SPOCK1: variants seen among roughly 807,000 people sequenced by gnomAD.
SPOCK1 encodes the protein SPARC (osteonectin), cwcv and kazal like domains proteoglycan 1.
A neutral mutation model predicts 55.3 loss-of-function variants in SPOCK1; 23 were observed. The ratio of observed to expected loss-of-function variants is 0.42; its 90% CI spans 0.30 to 0.59. The LOEUF (loss-of-function observed/expected upper bound fraction) is 0.59. Ranked by LOEUF, SPOCK1 falls within the 20% of genes least tolerant of loss-of-function variation. The probability of loss-of-function intolerance (pLI) is 0.22; values close to 1 mark genes in which losing one functional copy is unlikely to be tolerated. For missense variants in SPOCK1, 499 were observed against 552.5 expected (o/e 0.90, Z 0.97); for synonymous variants, 226 against 221.0 (o/e 1.02, Z -0.20).
chr5:137,094,499 A>G (rs1753106613), intron 5 of SPOCK1, among the ~76,000 whole-genome samples: 1 of 152,220 alleles, frequency 6.6e-6, no homozygotes, highest in African/African-American at 2.4e-5. Context: ...TGTTTATACT[A>G]TAGTATAGTC....
intron 2 of SPOCK1, among the ~76,000 whole-genome samples, chr5:137,288,476 C>G (rs1189117810): frequency 6.6e-6 from 1 of 152,230 alleles, no homozygotes; most frequent in African/African-American, 2.4e-5. Flanking sequence ...CCAATTCTCA[C>G]TCTCTACTTT....
chr5:137,303,966 T>C (rs1330722683), intron 2 of SPOCK1, among the ~76,000 whole-genome samples: 1 of 152,188 alleles, frequency 6.6e-6, no homozygotes, highest in Non-Finnish European at 1.5e-5. Flanking sequence ...TCTCTCAGTG[T>C]TGCAGAGAAG....
rs181248472 is a variant in SPOCK1 at position 137,209,391 on chromosome 5, C to T, written c.232+57619G>A. ...ATGCTATAAATGAATTGCTTGTAAG[C>T]GCAAGTAGATGTGGAGGTAGTTTGA... On this transcript the variant is annotated intron_variant, in intron 3 of 10. Transcript: ENST00000394945. Among the ~76,000 whole-genome samples the T allele has an allele frequency of 9.2e-4, 140 of 152,290 alleles. 1 individual carries two copies. The highest frequency in any genetic ancestry group is 3.3e-3 in the African/African-American group (137 of 41,564).
chr5:137,261,113 C>A (rs1756735267), intron 3 of SPOCK1, among the ~76,000 whole-genome samples: 1 of 152,024 alleles, frequency 6.6e-6, no homozygotes, highest in African/African-American at 2.4e-5. Context: ...TGAACAAATT[C>A]TTAAAAAAAC....
chr5:137,275,249 T>A (rs1757038982), intron 2 of SPOCK1, among the ~76,000 whole-genome samples: 1 of 152,168 alleles, frequency 6.6e-6, no homozygotes, highest in South Asian at 2.1e-4. Flanking sequence ...AAATCCCAAA[T>A]TAATTAGGTC....
chr5:137,022,284 C>T lies in SPOCK1; in HGVS notation c.590-29684G>A, dbSNP rs141274436. Among the ~76,000 whole-genome samples, 646 of 152,168 alleles carry T rather than the reference C, an allele frequency of 4.2e-3. 7 individuals carry two copies. Among genetic ancestry groups the T allele is most frequent in the African/African-American group, 0.015 (625 of 41,512 alleles). ...CAAGTGGGTGTTCCAGCCAACAGCC[C>T]CAATTCATGTACTAGCTGACAGCCA... is the stretch of plus-strand genomic sequence containing the variant. On this transcript the variant is annotated intron_variant, in intron 6 of 10. Transcript: ENST00000394945.
intron 5 of SPOCK1, among the ~76,000 whole-genome samples, chr5:137,111,636 G>T (rs76866157): frequency 6.6e-6 from 1 of 152,142 alleles, no homozygotes; most frequent in East Asian, 1.9e-4. Context: ...AATCACAAAT[G>T]GCCATACTTC....
chr5:137,358,839 GC>G (rs1217512280), intron 2 of SPOCK1, among the ~76,000 whole-genome samples: 1 of 148,446 alleles, frequency 6.7e-6, no homozygotes, highest in East Asian at 2.0e-4. Flanking sequence ...GTTTTTCTAT[GC>G]CTCCTGGACA....
intron 3 of SPOCK1, among the ~76,000 whole-genome samples, chr5:137,257,648 G>A (rs1756662844): frequency 6.6e-6 from 1 of 152,206 alleles, no homozygotes; most frequent in Admixed American, 6.5e-5. Flanking sequence ...TTTCACTTCT[G>A]CAGCACTGAG....
intron 5 of SPOCK1, among the ~76,000 whole-genome samples, chr5:137,078,147 G>A (rs1752807312): frequency 6.6e-6 from 1 of 152,186 alleles, no homozygotes; most frequent in South Asian, 2.1e-4. Context: ...AGACTTGGGA[G>A]ATGCAAGAGG....
chr5:137,365,541 G>A (rs192662657), intron 2 of SPOCK1: 1 of 152,304 alleles, frequency 6.6e-6, no homozygotes, highest in East Asian at 1.9e-4. Context: ...CCTCTCTTTG[G>A]AGGGTCTTGG....
chr5:137,105,058 T>G (rs1224526521), intron 5 of SPOCK1, among the ~76,000 whole-genome samples: 1 of 152,132 alleles, frequency 6.6e-6, no homozygotes, highest in Non-Finnish European at 1.5e-5. Flanking sequence ...CCCACTACCA[T>G]CCAAGAGTAG....
chr5:137,139,255 T>G (rs1754047041), intron 4 of SPOCK1, among the ~76,000 whole-genome samples: 2 of 152,164 alleles, frequency 1.3e-5, no homozygotes, highest in Admixed American at 1.3e-4. Context: ...TGACCCTGGA[T>G]GCTAGGTCTA....
intron 2 of SPOCK1, among the ~76,000 whole-genome samples, chr5:137,416,168 C>T (rs1752323212): frequency 6.8e-6 from 1 of 147,622 alleles, no homozygotes; most frequent in Non-Finnish European, 1.5e-5. Context: ...CTTTAAAGTA[C>T]TGGAAAAAAA....
Position 137,384,576 on chromosome 5 carries a change from A to ATATATATATATATATG in SPOCK1, c.186+113796_186+113797insCATATATATATATATA, listed in dbSNP as rs747142799. Among the ~76,000 whole-genome samples the ATATATATATATATATG allele has an allele frequency of 4.2e-3, 594 of 140,240 alleles. 2 individuals carry two copies. Among genetic ancestry groups the ATATATATATATATATG allele is most frequent in the African/African-American group, 0.016 (578 of 35,994 alleles). 92.0% of individuals were successfully genotyped at this position (140,240 alleles called of 152,430 possible). A position where few individuals can be genotyped will look rare whatever the true frequency, so the allele number is the denominator to read the frequency against. On this transcript the variant is annotated intron_variant, in intron 2 of 10. Transcript: ENST00000394945. ...TATACATACATACATATATATATAT[A>ATATATATATATATATG]TATGTATGTATTTTTTTTTCCCCCT...
At chr5:136,991,813 G>A (rs2126963890) in intron 7 of SPOCK1, among the ~76,000 whole-genome samples, 1 of 152,332 alleles carries the variant, frequency 6.6e-6, no homozygotes, top group South Asian at 2.1e-4. Context: ...CACTCTGAGT[G>A]TTCTCTGCAG....
At chr5:137,039,265 C>T (rs1473694606) in intron 6 of SPOCK1, among the ~76,000 whole-genome samples, 4 of 140,994 alleles carry the variant, frequency 2.8e-5, no homozygotes, top group Admixed American at 1.4e-4. Flanking sequence ...TTTCTGCCTG[C>T]CACACTTTTT....
intron 2 of SPOCK1, among the ~76,000 whole-genome samples, chr5:137,303,350 G>A (rs1757640709): frequency 6.6e-6 from 1 of 151,960 alleles, no homozygotes; most frequent in Non-Finnish European, 1.5e-5. Flanking sequence ...TGGGAGGCAA[G>A]ATACTAGATG....
chr5:137,475,476 C>T (rs578178621), intron 2 of SPOCK1, among the ~76,000 whole-genome samples: 1 of 152,128 alleles, frequency 6.6e-6, no homozygotes, highest in Admixed American at 6.5e-5. Context: ...TTAATGCAAA[C>T]TTGATATCAT....
Sources: allele counts gnomAD v4.1 joint callset (sites outside exome capture counted in the v4.1 genomes callset), GRCh38; gene constraint gnomAD v4.1.1; transcripts MANE v1.5; gene names NCBI Gene and HGNC (gene_info 2026-07-23, HGNC 2026-07-21).